The following KIRREL1 variants were observed in gnomAD, a reference collection of about 807,000 sequenced individuals.
KIRREL1 encodes the protein kin of IRRE-like protein 1.
A neutral mutation model predicts 83.3 loss-of-function variants in KIRREL1; 25 were observed. The observed-to-expected ratio is 0.30, with a 90% confidence interval of 0.22 to 0.42. KIRREL1 has a LOEUF of 0.42. KIRREL1 is among the 10% of genes least tolerant of loss of function. The pLI is 1.00. For missense variants in KIRREL1, 812 were observed against 1,032.3 expected (o/e 0.79, Z 2.92); for synonymous variants, 388 against 410.4 (o/e 0.95, Z 0.66).
intron 1 of KIRREL1, among the ~76,000 whole-genome samples, chr1:157,996,532 G>C (rs1012046078): frequency 1.3e-5 from 2 of 152,056 alleles, no homozygotes; most frequent in African/African-American, 4.8e-5. Flanking sequence ...TCCTGCCACA[G>C]CTTTTGAGGG....
chr1:158,069,187 G>T (rs570901277), intron 1 of KIRREL1, among the ~76,000 whole-genome samples: 1 of 152,262 alleles, frequency 6.6e-6, no homozygotes, highest in East Asian at 1.9e-4. Context: ...GCATCCATGG[G>T]TGCAGAGACA....
At position 158,097,184 on chromosome 1, in the gene KIRREL1, C is replaced by G. The variant is rs750245473; in HGVS notation, c.*2064C>G. On this transcript the variant is annotated 3_prime_UTR_variant, in exon 15 of 15. Transcript: ENST00000359209. The stretch of plus-strand genomic sequence containing the variant: ...TCTATAGAGTCCTTTTATGAGAGCT[C>G]AGTGGGAAGGTCTGTCAAGAAATTC... The G allele has an allele frequency of 2.7e-4, 106 of 394,212 alleles. No homozygotes were observed. Among genetic ancestry groups the G allele is most frequent in the African/African-American group, 2.1e-3 (99 of 48,102 alleles). The allele number at this position is 394,212 out of a possible 1,614,324, so 24.4% of individuals were successfully genotyped here. A position where few individuals can be genotyped will look rare whatever the true frequency, so the allele number is the denominator to read the frequency against.
At chr1:158,025,773 G>A (rs1442196201) in intron 1 of KIRREL1, 1 of 151,446 alleles carries the variant, frequency 6.6e-6, no homozygotes, top group Non-Finnish European at 1.5e-5. Flanking sequence ...GGGAGCCACA[G>A]AAGAGGCACG....
intron 1 of KIRREL1, among the ~76,000 whole-genome samples, chr1:158,038,541 G>T (rs959054208): frequency 1.4e-5 from 2 of 140,562 alleles, no homozygotes; most frequent in Non-Finnish European, 3.0e-5. Flanking sequence ...TGTCTGGGCT[G>T]GTCTTAAACT....
At chr1:158,059,395 G>T (rs1661151821) in intron 1 of KIRREL1, among the ~76,000 whole-genome samples, 1 of 152,184 alleles carries the variant, frequency 6.6e-6, no homozygotes, top group South Asian at 2.1e-4. Context: ...CGCTCTGGGT[G>T]TCTGGGTTAG....
intron 1 of KIRREL1, among the ~76,000 whole-genome samples, chr1:158,040,353 A>G (rs1660592536): frequency 6.6e-6 from 1 of 152,240 alleles, no homozygotes; most frequent in African/African-American, 2.4e-5. Flanking sequence ...AATAGAGGTC[A>G]GAGACATGGA....
At chr1:158,062,290 C>T (rs1661234937) in intron 1 of KIRREL1, among the ~76,000 whole-genome samples, 2 of 152,218 alleles carry the variant, frequency 1.3e-5, no homozygotes, top group South Asian at 4.1e-4. Flanking sequence ...GCTCCCTCCT[C>T]TATGCAAGCC....
At position 158,096,943 on chromosome 1, in the gene KIRREL1, AC is replaced by A. The variant is rs919291240; in HGVS notation, c.*1825del. ...ACATGCTTATCAGCCACAGGCCATTACCACCCTTATGGATGGGTCTGGGGGG... is the reference window on the plus strand; with the variant it reads ...ACATGCTTATCAGCCACAGGCCATTACACCCTTATGGATGGGTCTGGGGGG... On this transcript the variant is annotated 3_prime_UTR_variant, in exon 15 of 15. Transcript: ENST00000359209. The A allele has an allele frequency of 4.4e-6, 2 of 456,688 alleles. No individual in the cohort carries two copies. The highest frequency in any genetic ancestry group is 8.8e-6 in the Non-Finnish European group (2 of 226,964). 28.3% of individuals were successfully genotyped at this position (456,688 alleles called of 1,614,324 possible). A position where few individuals can be genotyped will look rare whatever the true frequency, so the allele number is the denominator to read the frequency against.
chr1:158,049,580 G>T (rs894357181), intron 1 of KIRREL1, among the ~76,000 whole-genome samples: 1 of 152,214 alleles, frequency 6.6e-6, no homozygotes, highest in Admixed American at 6.5e-5. Flanking sequence ...ATAGGGCAAT[G>T]TTATCATTAG....
rs990120392 is a variant in KIRREL1, at chr1:158,084,549, G to A, written c.480G>A (p.Gly160=). 1 of 1,551,764 alleles carries A rather than the reference G, an allele frequency of 6.4e-7. No homozygotes were observed. Among genetic ancestry groups the A allele is most frequent in the Non-Finnish European group, 8.7e-7 (1 of 1,147,004 alleles). ...CCACCATCATCTGGTTCCGGGACGG[G>A]ACGCAGCAGGAGGGCGCTGTGGCCA... The part of the protein sequence containing the change: ...PAATIIWFRD[G]TQQEGAVAST... The change falls in exon 4 of 15, where the codon GGG becomes GGA. Residue 160 remains glycine (G), a synonymous_variant. Coordinates refer to ENST00000359209, the MANE Select transcript of KIRREL1 (RefSeq NM_018240.7).
chr1:158,076,352 A>G, intron 2 of KIRREL1, 90 bp downstream of exon 2: 1 of 1,212,878 alleles, frequency 8.2e-7, no homozygotes, highest in South Asian at 1.3e-5. Flanking sequence ...ACCATCCCTT[A>G]GTTCCCTCAC....
intron 1 of KIRREL1, among the ~76,000 whole-genome samples, chr1:158,064,858 C>T (rs989254918): frequency 2.7e-5 from 4 of 150,808 alleles, no homozygotes; most frequent in African/African-American, 9.8e-5. Flanking sequence ...TCACCTGGCT[C>T]ATAGACTCAG....
intron 1 of KIRREL1, among the ~76,000 whole-genome samples, chr1:158,038,485 C>CTTTT (rs11340189): frequency 4.4e-5 from 3 of 68,080 alleles, no homozygotes; most frequent in Non-Finnish European, 3.1e-5. Context: ...GGCTCTTCCT[C>CTTTT]TTTTTTTTTT....
intron 1 of KIRREL1, among the ~76,000 whole-genome samples, chr1:158,037,050 TAAAG>T (rs1660494817): frequency 6.6e-6 from 1 of 152,070 alleles, no homozygotes; most frequent in South Asian, 2.1e-4. Flanking sequence ...TCTCCTATGT[TAAAG>T]AAATCCCAGA....
intron 1 of KIRREL1, among the ~76,000 whole-genome samples, chr1:157,994,731 A>G (rs12727137): frequency 6.6e-6 from 1 of 152,072 alleles, no homozygotes; most frequent in East Asian, 1.9e-4. Context: ...AAATTGACAC[A>G]CAAACACCGT....
rs1321061971 is a variant in KIRREL1, at chr1:158,093,435, G to A, written c.1568G>A (p.Arg523His). The change falls in exon 12 of 15, where the codon CGC becomes CAC. Residue 523 changes from arginine to histidine, a missense_variant. This residue lies in a region of KIRREL1 where 334 missense variants were observed against 383.7 expected (regional missense o/e 0.87). Coordinates refer to ENST00000359209, the MANE Select transcript of KIRREL1 (RefSeq NM_018240.7). ...GCCTTGGTATTCTTCCTCTACCGGC[G>A]CCGCAAAGGCAGTGAGTATGGGCCC... is the stretch of plus-strand genomic sequence containing the variant. ...FIALVFFLYR[R>H]RKGSRKDVTL... The A allele has an allele frequency of 5.6e-6, 9 of 1,614,122 alleles. No individual in the cohort carries two copies. Among genetic ancestry groups the A allele is most frequent in the East Asian group, 2.2e-5 (1 of 44,876 alleles).
intron 1 of KIRREL1, among the ~76,000 whole-genome samples, chr1:158,056,122 C>T (rs376248238): frequency 3.7e-4 from 57 of 152,330 alleles, no homozygotes; most frequent in African/African-American, 1.3e-3. Flanking sequence ...CCTCGCCCCC[C>T]CTCATCCTGC....
intron 1 of KIRREL1, among the ~76,000 whole-genome samples, chr1:158,001,162 A>G (rs1659350167): frequency 2.6e-5 from 4 of 152,280 alleles, no homozygotes; most frequent in South Asian, 4.1e-4. Context: ...TCTGAGGAAT[A>G]TATCTTCACT....
chr1:158,034,927 GA>G (rs1004993829), intron 1 of KIRREL1, among the ~76,000 whole-genome samples: 15 of 152,146 alleles, frequency 9.9e-5, no homozygotes, highest in African/African-American at 3.1e-4. Flanking sequence ...AGGCAAGCTA[GA>G]AAAAAAATTT....
Sources: gnomAD v4.1 joint callset for allele counts (sites outside exome capture counted in the v4.1 genomes callset) on GRCh38, gnomAD v4.1.1 for gene constraint, gnomAD v4.1.1 regional missense constraint, MANE v1.5 for transcripts, NCBI Gene and HGNC (gene_info 2026-07-23, HGNC 2026-07-21) for gene names.